Variants in KHDRBS2 observed in about 807,000 individuals in gnomAD.
The protein encoded by KHDRBS2 is KH RNA binding domain containing, signal transduction associated 2.
A neutral mutation model predicts 44.3 loss-of-function variants in KHDRBS2; 26 were observed. That is an observed-to-expected ratio of 0.59 (90% CI 0.43 to 0.81). The LOEUF is 0.81. KHDRBS2 is among the 40% of genes least tolerant of loss of function. The probability of loss-of-function intolerance (pLI) is 0.00; values close to 1 mark genes in which losing one functional copy is unlikely to be tolerated. For synonymous variants in KHDRBS2, 194 were observed against 151.1 expected, an observed-to-expected ratio of 1.28 and a Z score of -2.08; for missense variants, 476 against 433.1, an observed-to-expected ratio of 1.10 and a Z score of -0.88.
At chr6:62,086,754 C>G (rs1457171313) in intron 2 of KHDRBS2, among the ~76,000 whole-genome samples, 1 of 152,014 alleles carries the variant, frequency 6.6e-6, no homozygotes, top group Non-Finnish European at 1.5e-5. Flanking sequence ...AATTTGAGAT[C>G]AGCAGTTGAA....
At chr6:61,943,849 C>G (rs1447235833) in intron 4 of KHDRBS2, among the ~76,000 whole-genome samples, 2 of 151,950 alleles carry the variant, frequency 1.3e-5, no homozygotes, top group African/African-American at 4.8e-5. Context: ...GGGCAAAGGA[C>G]AAGCATAGGT....
chr6:62,193,860 T>C (rs1346823292), intron 1 of KHDRBS2, among the ~76,000 whole-genome samples: 2 of 152,172 alleles, frequency 1.3e-5, no homozygotes, highest in African/African-American at 4.8e-5. Flanking sequence ...ATTATCATTG[T>C]AAATTTGCTA....
At chr6:61,921,119 T>G (rs1807990026) in intron 4 of KHDRBS2, among the ~76,000 whole-genome samples, 1 of 151,990 alleles carries the variant, frequency 6.6e-6, no homozygotes, top group Non-Finnish European at 1.5e-5. Context: ...AAAGATAATG[T>G]AAATTATGAA....
chr6:61,694,935 G>A (rs1485702230), intron 8 of KHDRBS2, among the ~76,000 whole-genome samples: 1 of 152,102 alleles, frequency 6.6e-6, no homozygotes, highest in Admixed American at 6.6e-5. Flanking sequence ...AAAATATTAG[G>A]TTAATTTGAT....
intron 2 of KHDRBS2, among the ~76,000 whole-genome samples, chr6:62,158,522 A>C (rs1242397981): frequency 1.3e-5 from 2 of 152,150 alleles, no homozygotes. Context: ...CCATTATATT[A>C]CATTATCTTT....
chr6:62,086,105 T>C (rs1292846614), intron 2 of KHDRBS2, among the ~76,000 whole-genome samples: 1 of 152,180 alleles, frequency 6.6e-6, no homozygotes, highest in Non-Finnish European at 1.5e-5. Flanking sequence ...TTGGAAATTA[T>C]GTATAATTGT....
chr6:61,740,170 C>A (rs531040386), intron 6 of KHDRBS2, among the ~76,000 whole-genome samples: 1 of 151,764 alleles, frequency 6.6e-6, no homozygotes, highest in Non-Finnish European at 1.5e-5. Context: ...AGAATTTCCC[C>A]GAAAAGTTGT....
chr6:62,146,319 T>A (rs1200331950), intron 2 of KHDRBS2, among the ~76,000 whole-genome samples: 1 of 151,906 alleles, frequency 6.6e-6, no homozygotes, highest in East Asian at 1.9e-4. Context: ...TGGCATACGA[T>A]CCAAGGTTGT....
chr6:61,558,271 A>G, the KHDRBS2 span, among the ~76,000 whole-genome samples: 1 of 152,076 alleles, frequency 6.6e-6, no homozygotes, highest in African/African-American at 2.4e-5. Flanking sequence ...TATAGCCATA[A>G]ACTTCCTTGG....
the KHDRBS2 span, among the ~76,000 whole-genome samples, chr6:61,623,568 C>G: frequency 6.6e-6 from 1 of 152,110 alleles, no homozygotes; most frequent in South Asian, 2.1e-4. Flanking sequence ...ACCCAGAAAT[C>G]ATAAAGTTGA....
At chr6:62,262,438 T>C (rs1460607890) in intron 1 of KHDRBS2, among the ~76,000 whole-genome samples, 3 of 151,752 alleles carry the variant, frequency 2.0e-5, no homozygotes, top group African/African-American at 4.8e-5. Context: ...GCCAAACCAT[T>C]TGAGGTTATA....
intron 3 of KHDRBS2, among the ~76,000 whole-genome samples, chr6:61,988,091 T>G (rs1348900005): frequency 6.6e-6 from 1 of 152,202 alleles, no homozygotes; most frequent in Non-Finnish European, 1.5e-5. Flanking sequence ...CAAGTTTACT[T>G]ATCTTGGGTT....
rs557764059 is a variant in KHDRBS2, at chr6:61,824,302, T to C, written c.810+70333A>G. 2.4e-3 allele frequency among the ~76,000 whole-genome samples: 359 copies of C among 152,208 alleles called. 3 individuals are homozygous for C. Among genetic ancestry groups the C allele is most frequent in the African/African-American group, 8.1e-3 (338 of 41,552 alleles). ...TTCTAATGGTTTTGAACCATCCCCC[T>C]TGTGCTGTCTCGTGATAGAGTTCTC... On this transcript the variant is annotated intron_variant, in intron 6 of 8. Transcript: ENST00000281156.
At chr6:61,903,098 C>T (rs1804357608) in intron 4 of KHDRBS2, among the ~76,000 whole-genome samples, 1 of 152,184 alleles carries the variant, frequency 6.6e-6, no homozygotes, top group East Asian at 1.9e-4. Flanking sequence ...ATTTCTACCT[C>T]ATAATTTTCT....
intron 6 of KHDRBS2, among the ~76,000 whole-genome samples, chr6:61,876,035 A>G (rs1799366337): frequency 6.6e-6 from 1 of 151,982 alleles, no homozygotes; most frequent in Non-Finnish European, 1.5e-5. Context: ...TTTATTTGTA[A>G]ATGTGGAGTA....
chr6:62,187,370 GA>G lies in KHDRBS2; in HGVS notation c.92-10059del, dbSNP rs1263169981. Among the ~76,000 whole-genome samples the G allele has an allele frequency of 2.6e-5, 4 of 151,830 alleles. No homozygotes were observed. The South Asian group carries it at 6.2e-4, about 24-fold the overall frequency. ...CTCTTTCATTTAATAATTATTTATT[GA>G]AGGCCTACTATTGTCCCAGGCACCA... is the stretch of plus-strand genomic sequence containing the variant. On this transcript the variant is annotated intron_variant, in intron 1 of 8. Coordinates refer to ENST00000281156, the MANE Select transcript of KHDRBS2 (RefSeq NM_152688.4).
intron 2 of KHDRBS2, among the ~76,000 whole-genome samples, chr6:62,140,539 C>A (rs1812590011): frequency 6.6e-6 from 1 of 152,096 alleles, no homozygotes; most frequent in Non-Finnish European, 1.5e-5. Context: ...AATTAAAATC[C>A]ATTAATGAGT....
chr6:62,216,371 G>T (rs1469460409), intron 1 of KHDRBS2, among the ~76,000 whole-genome samples: 1 of 151,634 alleles, frequency 6.6e-6, no homozygotes, highest in Non-Finnish European at 1.5e-5. Flanking sequence ...TTCTTTCGTG[G>T]ACCTCTAAAA....
chr6:62,097,261 A>G (rs1389403528), intron 2 of KHDRBS2, among the ~76,000 whole-genome samples: 1 of 151,916 alleles, frequency 6.6e-6, no homozygotes, highest in Non-Finnish European at 1.5e-5. Context: ...CTAGGGTACA[A>G]TTTAACTCCA....
Sources: gnomAD v4.1 joint callset for allele counts (sites outside exome capture counted in the v4.1 genomes callset) on GRCh38, gnomAD v4.1.1 for gene constraint, MANE v1.5 for transcripts, NCBI Gene and HGNC (gene_info 2026-07-23, HGNC 2026-07-21) for gene names.